KHDRBS3: variants seen among roughly 807,000 people sequenced by gnomAD.
KHDRBS3 encodes KH domain-containing, RNA-binding, signal transduction-associated protein 3.
KHDRBS3 carries 23 observed loss-of-function variants against 45.6 expected under a neutral mutation model. The observed-to-expected ratio is 0.50, with a 90% CI of 0.36 to 0.72. The LOEUF (loss-of-function observed/expected upper bound fraction) is 0.72, where lower values mean the gene tolerates loss of function less well. Among genes scored for constraint, KHDRBS3 ranks in the 30% least tolerant of loss-of-function variants. KHDRBS3 has a pLI of 0.00. For missense variants in KHDRBS3, 352 were observed against 424.8 expected (o/e 0.83, Z 1.51); for synonymous variants, 162 against 156.5 (o/e 1.04, Z -0.26).
chr8:135,471,222 T>C (rs943199678), intron 1 of KHDRBS3, among the ~76,000 whole-genome samples: 20 of 152,304 alleles, frequency 1.3e-4, no homozygotes, highest in Middle Eastern at 3.4e-3. Flanking sequence ...CAGAAAGTAG[T>C]CTTTTAGGTT....
intron 1 of KHDRBS3, among the ~76,000 whole-genome samples, chr8:135,511,394 T>C (rs1824275401): frequency 6.6e-6 from 1 of 152,180 alleles, no homozygotes; most frequent in Non-Finnish European, 1.5e-5. Context: ...CTTCTCTCCA[T>C]CCTCCTCATT....
intron 1 of KHDRBS3, among the ~76,000 whole-genome samples, chr8:135,484,252 A>G (rs574461106): frequency 6.6e-6 from 1 of 152,346 alleles, no homozygotes; most frequent in East Asian, 1.9e-4. Context: ...TTTAAAAACT[A>G]AGTTTCCCAG....
At chr8:135,482,821 A>G (rs1212992566) in intron 1 of KHDRBS3, among the ~76,000 whole-genome samples, 1 of 152,186 alleles carries the variant, frequency 6.6e-6, no homozygotes, top group African/African-American at 2.4e-5. Flanking sequence ...AGTAGGTAGC[A>G]GGGATGTTGG....
At chr8:135,546,891 C>T (rs1826332476) in intron 3 of KHDRBS3, among the ~76,000 whole-genome samples, 1 of 151,904 alleles carries the variant, frequency 6.6e-6, no homozygotes. Flanking sequence ...GGGATTGTAC[C>T]CTGGCTACAG....
intron 7 of KHDRBS3, 75 bp downstream of exon 7, chr8:135,607,112 T>C (rs1829500109): frequency 3.4e-6 from 4 of 1,180,344 alleles, no homozygotes; most frequent in Admixed American, 3.8e-5. Flanking sequence ...CTGGGAAAAG[T>C]ATGGCAGTCA....
intron 7 of KHDRBS3, among the ~76,000 whole-genome samples, chr8:135,635,447 G>A (rs929510178): frequency 5.3e-5 from 8 of 152,192 alleles, no homozygotes; most frequent in Admixed American, 5.2e-4. Flanking sequence ...GTAGTGGCAC[G>A]ATCTTGGCTC....
At chr8:135,515,764 C>T (rs1485456748) in intron 1 of KHDRBS3, among the ~76,000 whole-genome samples, 1 of 152,160 alleles carries the variant, frequency 6.6e-6, no homozygotes, top group African/African-American at 2.4e-5. Context: ...CCTTTCCTGG[C>T]CCCTGCATGC....
At position 135,647,242 on chromosome 8, in the gene KHDRBS3, G is replaced by GCA; in HGVS notation, c.*159_*160dup. 25 of 172,528 alleles carry GCA rather than the reference G, an allele frequency of 1.4e-4. No individual in the cohort carries two copies. Among genetic ancestry groups the GCA allele is most frequent in the Admixed American group, 2.8e-4 (2 of 7,144 alleles). The allele number at this position is 172,528 out of a possible 1,614,324, so 10.7% of individuals were successfully genotyped here. A position where few individuals can be genotyped will look rare whatever the true frequency, so the allele number is the denominator to read the frequency against. On this transcript the variant is annotated 3_prime_UTR_variant, in exon 9 of 9. Transcript: ENST00000355849. ...CTACTTTGTTGAAACATCAACCTGG[G>GCA]CAGAAAAAAAAAAAAAAAGACATGT...
intron 1 of KHDRBS3, among the ~76,000 whole-genome samples, chr8:135,464,458 T>A (rs1455200108): frequency 1.3e-5 from 2 of 152,226 alleles, no homozygotes; most frequent in East Asian, 3.8e-4. Context: ...GCAGTGCTCT[T>A]TGTATTTTAA....
At chr8:135,646,462 T>G (rs867960761) in intron 8 of KHDRBS3, among the ~76,000 whole-genome samples, 9 of 152,354 alleles carry the variant, frequency 5.9e-5, no homozygotes, top group African/African-American at 2.2e-4. Flanking sequence ...CAACTTTCCT[T>G]CAGTCTTTCC....
At chr8:135,655,678 T>C (rs1352193352) in intron 4 of KHDRBS3, among the ~76,000 whole-genome samples, 3 of 152,208 alleles carry the variant, frequency 2.0e-5, no homozygotes, top group African/African-American at 7.2e-5. Flanking sequence ...ACCAGAGTCG[T>C]GAGAAGTCAA....
chr8:135,565,840 A>C (rs1275141846), intron 5 of KHDRBS3, among the ~76,000 whole-genome samples: 1 of 152,158 alleles, frequency 6.6e-6, no homozygotes, highest in Non-Finnish European at 1.5e-5. Flanking sequence ...ACACCATAAG[A>C]AGTCACCTCA....
At chr8:135,481,186 A>G (rs1317121901) in intron 1 of KHDRBS3, among the ~76,000 whole-genome samples, 1 of 147,316 alleles carries the variant, frequency 6.8e-6, no homozygotes, top group Non-Finnish European at 1.5e-5. Context: ...TGAGGTTACA[A>G]TCATGCTGGA....
At chr8:135,489,427 C>T (rs1823028722) in intron 1 of KHDRBS3, among the ~76,000 whole-genome samples, 1 of 152,144 alleles carries the variant, frequency 6.6e-6, no homozygotes, top group African/African-American at 2.4e-5. Flanking sequence ...CGCCTGTAAT[C>T]CCAGCACTTT....
At chr8:135,591,755 C>G (rs1314427846) in intron 6 of KHDRBS3, among the ~76,000 whole-genome samples, 1 of 152,130 alleles carries the variant, frequency 6.6e-6, no homozygotes, top group African/African-American at 2.4e-5. Flanking sequence ...GTGAAGTCAT[C>G]CTTCTCACTT....
At chr8:135,653,058 C>T (rs566621637) in intron 4 of KHDRBS3, among the ~76,000 whole-genome samples, 6 of 152,244 alleles carry the variant, frequency 3.9e-5, no homozygotes, top group South Asian at 4.1e-4. Context: ...CTGCTGCTGG[C>T]GGGATTTGTG....
chr8:135,470,877 C>T (rs1039381732), intron 1 of KHDRBS3, among the ~76,000 whole-genome samples: 1 of 152,120 alleles, frequency 6.6e-6, no homozygotes, highest in Non-Finnish European at 1.5e-5. Context: ...TGAGCCACCC[C>T]GCCCAGCTGG....
chr8:135,551,456 A>G (rs560608011), intron 4 of KHDRBS3, among the ~76,000 whole-genome samples: 2 of 152,306 alleles, frequency 1.3e-5, no homozygotes, highest in East Asian at 3.9e-4. Context: ...TCATGAATAA[A>G]TGTATAAACA....
At chr8:135,597,727 A>G (rs961196214) in intron 6 of KHDRBS3, among the ~76,000 whole-genome samples, 1 of 152,206 alleles carries the variant, frequency 6.6e-6, no homozygotes, top group Non-Finnish European at 1.5e-5. Context: ...TCTGCTTCCC[A>G]GGATAGATGG....
Sources: allele counts gnomAD v4.1 joint callset (sites outside exome capture counted in the v4.1 genomes callset), GRCh38; gene constraint gnomAD v4.1.1; transcripts MANE v1.5; gene names NCBI Gene and HGNC (gene_info 2026-07-23, HGNC 2026-07-21).